Variants in SLC8A1 observed in about 807,000 individuals in gnomAD.
The protein encoded by SLC8A1 is solute carrier family 8 member A1, also known as sodium/calcium exchanger 1.
In SLC8A1, 18 loss-of-function variants were observed where a neutral mutation model predicts 68.3. The ratio of observed to expected loss-of-function variants is 0.26; its 90% CI spans 0.18 to 0.39. The LOEUF is 0.39. Among genes scored for constraint, SLC8A1 ranks in the 10% least tolerant of loss-of-function variants. The pLI is 1.00. For missense variants in SLC8A1, 985 were observed against 1,156.7 expected (o/e 0.85, Z 2.15); for synonymous variants, 475 against 415.5 (o/e 1.14, Z -1.74).
chr2:40,343,662 C>G (rs1357882790), intron 2 of SLC8A1, among the ~76,000 whole-genome samples: 1 of 151,762 alleles, frequency 6.6e-6, no homozygotes, highest in East Asian at 1.9e-4. Context: ...TTTTAAAGCA[C>G]AGATTATTAT....
intron 2 of SLC8A1, among the ~76,000 whole-genome samples, chr2:40,284,538 CTA>C (rs1335999994): frequency 6.9e-6 from 1 of 145,062 alleles, no homozygotes; most frequent in East Asian, 2.0e-4. Context: ...TATAACATCT[CTA>C]TTTATATATA....
At position 40,139,293 on chromosome 2, in the gene SLC8A1, A is replaced by G. The variant is rs1164730948; in HGVS notation, c.2437+108T>C. The G allele has an allele frequency of 4.0e-6, 5 of 1,252,374 alleles. No homozygotes were observed. The South Asian group carries it at 4.3e-5, about 11-fold the overall frequency. The allele number at this position is 1,252,374 out of a possible 1,614,324, so 77.6% of individuals were successfully genotyped here. On this transcript the variant is annotated intron_variant, in intron 7 of 7. Coordinates refer to ENST00000406785, the Ensembl canonical transcript of SLC8A1. The stretch of plus-strand genomic sequence containing the variant: ...TTATACCTCAGGGCTCTCGTCTTTC[A>G]TAGGTCTTGGTTTGTTATCACAGCC...
chr2:40,465,259 C>T (rs1703596765), intron 1 of SLC8A1, among the ~76,000 whole-genome samples: 1 of 152,064 alleles, frequency 6.6e-6, no homozygotes, highest in Non-Finnish European at 1.5e-5. Flanking sequence ...GTCCTTCATG[C>T]CTTATAGCTT....
rs547305164 is a variant in SLC8A1 at position 40,148,242 on chromosome 2, A to T, written c.2162-8566T>A. ...TTTTATTCTTCCTGGAATTTTATTT[A>T]AAAAAATGCATCTTTATGCAAATCC... On this transcript the variant is annotated intron_variant, in intron 6 of 7. Transcript: ENST00000406785. Among the ~76,000 whole-genome samples the T allele has an allele frequency of 2.3e-4, 35 of 152,302 alleles. No individual in the cohort carries two copies. In the East Asian group the frequency reaches 3.3e-3, roughly 14 times the overall value.
At chr2:40,481,059 CAG>C (rs1158552782) in intron 1 of SLC8A1, among the ~76,000 whole-genome samples, 1 of 152,082 alleles carries the variant, frequency 6.6e-6, no homozygotes, top group Non-Finnish European at 1.5e-5. Context: ...TATGGAAAAA[CAG>C]GGCATCAGTC....
At chr2:40,371,542 G>T (rs1354323300) in intron 2 of SLC8A1, among the ~76,000 whole-genome samples, 1 of 152,060 alleles carries the variant, frequency 6.6e-6, no homozygotes, top group African/African-American at 2.4e-5. Context: ...TACCTCTTAG[G>T]GTTTTTGTGA....
At chr2:40,152,037 A>G (rs2043536224) in intron 6 of SLC8A1, among the ~76,000 whole-genome samples, 1 of 152,220 alleles carries the variant, frequency 6.6e-6, no homozygotes, top group African/African-American at 2.4e-5. Context: ...AGTGTATTTT[A>G]AGCACCAAAT....
At chr2:40,316,268 G>A (rs1202404924) in intron 2 of SLC8A1, among the ~76,000 whole-genome samples, 1 of 151,980 alleles carries the variant, frequency 6.6e-6, no homozygotes, top group Non-Finnish European at 1.5e-5. Flanking sequence ...GAAAACTGAA[G>A]AGAAGGCTTG....
intron 2 of SLC8A1, among the ~76,000 whole-genome samples, chr2:40,307,012 A>G (rs1428640380): frequency 2.0e-5 from 3 of 152,178 alleles, no homozygotes; most frequent in Non-Finnish European, 2.9e-5. Context: ...TATCCAAAAT[A>G]TTCACAAGAA....
intron 1 of SLC8A1, among the ~76,000 whole-genome samples, chr2:40,490,947 A>T (rs959533322): frequency 6.6e-6 from 1 of 152,122 alleles, no homozygotes; most frequent in Non-Finnish European, 1.5e-5. Flanking sequence ...TATTTTCTGA[A>T]ATCTCAACTT....
intron 1 of SLC8A1, among the ~76,000 whole-genome samples, chr2:40,451,193 G>A (rs1181221926): frequency 6.6e-6 from 1 of 152,162 alleles, no homozygotes; most frequent in African/African-American, 2.4e-5. Flanking sequence ...AAGCTCCAGA[G>A]GCAGAGAATG....
At chr2:40,242,891 G>C (rs991503085) in intron 2 of SLC8A1, among the ~76,000 whole-genome samples, 5 of 152,156 alleles carry the variant, frequency 3.3e-5, no homozygotes, top group African/African-American at 4.8e-5. Context: ...ACTTTTTGCT[G>C]TCTCCATTTT....
At chr2:40,488,223 C>G (rs1464467690) in intron 1 of SLC8A1, among the ~76,000 whole-genome samples, 3 of 102,060 alleles carry the variant, frequency 2.9e-5, no homozygotes, top group African/African-American at 1.4e-4. Context: ...CTTCTGTAGA[C>G]AGAAAAAAAA....
intron 2 of SLC8A1, among the ~76,000 whole-genome samples, chr2:40,196,314 T>G (rs381610): frequency 0.75 from 114,541 of 151,788 alleles, 43,850 homozygotes; most frequent in Middle Eastern, 0.86. Flanking sequence ...TCCAGAGAAG[T>G]TGTCCTGAGA....
chr2:40,444,664 G>A (rs1701105578), intron 1 of SLC8A1, among the ~76,000 whole-genome samples: 1 of 152,028 alleles, frequency 6.6e-6, no homozygotes, highest in Non-Finnish European at 1.5e-5. Flanking sequence ...AAATTAAAAT[G>A]TTTCTTACCT....
At chr2:40,364,693 A>T (rs983452559) in intron 2 of SLC8A1, among the ~76,000 whole-genome samples, 13 of 152,054 alleles carry the variant, frequency 8.5e-5, no homozygotes, top group African/African-American at 3.1e-4. Context: ...AATGAGAAAA[A>T]ATTTAACTCC....
intron 1 of SLC8A1, among the ~76,000 whole-genome samples, chr2:40,480,774 T>C (rs1704577549): frequency 6.6e-6 from 1 of 152,158 alleles, no homozygotes; most frequent in Admixed American, 6.5e-5. Context: ...TTGTCGAGAA[T>C]GAATGAGCTC....
At chr2:40,244,788 G>A (rs573687497) in intron 2 of SLC8A1, among the ~76,000 whole-genome samples, 1 of 152,264 alleles carries the variant, frequency 6.6e-6, no homozygotes, top group Admixed American at 6.5e-5. Flanking sequence ...TAGCAGAGCA[G>A]CCACTGGAGG....
At chr2:40,419,754 T>G (rs534145896) in intron 2 of SLC8A1, among the ~76,000 whole-genome samples, 8 of 152,256 alleles carry the variant, frequency 5.3e-5, no homozygotes, top group African/African-American at 1.7e-4. Context: ...CCTATGCAAA[T>G]AGGACTTAAT....
Sources: allele counts gnomAD v4.1 joint callset (sites outside exome capture counted in the v4.1 genomes callset), GRCh38; gene constraint gnomAD v4.1.1; transcripts MANE v1.5; gene names NCBI Gene and HGNC (gene_info 2026-07-23, HGNC 2026-07-21).